OTUD5: variants seen among roughly 807,000 people sequenced by gnomAD.
OTUD5 encodes the protein OTU deubiquitinase 5.
A neutral mutation model predicts 36.3 loss-of-function variants in OTUD5; 2 were observed. The observed-to-expected ratio is 0.06, with a 90% confidence interval of 0.02 to 0.17. The LOEUF (loss-of-function observed/expected upper bound fraction) is 0.17, where lower values mean the gene tolerates loss of function less well. OTUD5 is among the 10% of genes least tolerant of loss of function. The pLI is 1.00. For synonymous variants in OTUD5, 234 were observed against 214.9 expected, an observed-to-expected ratio of 1.09 and a Z score of -0.78; for missense variants, 233 against 512.3, an observed-to-expected ratio of 0.45 and a Z score of 5.26.
intron 5 of OTUD5, 138 bp from the exon 6 acceptor site, chrX:48,926,188 C>A: frequency 2.1e-6 from 1 of 468,983 alleles, no homozygotes; most frequent in Admixed American, 3.5e-5. Context: ...AAGAGCAACA[C>A]TCCACAGACT....
intron 5 of OTUD5, among the ~76,000 whole-genome samples, chrX:48,928,717 C>T (rs2063702885): frequency 9.3e-6 from 1 of 107,840 alleles, no homozygotes. Context: ...GCCTGTGGTC[C>T]CAGCTACTTG....
intron 1 of OTUD5, among the ~76,000 whole-genome samples, chrX:48,954,278 G>A: frequency 9.0e-6 from 1 of 110,952 alleles, no homozygotes; most frequent in South Asian, 3.8e-4. Flanking sequence ...ATGTTCTTAT[G>A]GGGACAAGTA....
intron 2 of OTUD5, chrX:48,936,313 C>T (rs894384938): frequency 3.6e-5 from 4 of 111,905 alleles, no homozygotes; most frequent in Non-Finnish European, 7.5e-5. Flanking sequence ...TCACACATGC[C>T]GTTCCTTCTC....
intron 1 of OTUD5, among the ~76,000 whole-genome samples, chrX:48,951,297 G>A (rs1010710408): frequency 8.9e-6 from 1 of 111,990 alleles, no homozygotes; most frequent in African/African-American, 3.2e-5. Flanking sequence ...AAAGCACCCA[G>A]GAACACTAGC....
intron 1 of OTUD5, among the ~76,000 whole-genome samples, chrX:48,953,523 A>G (rs2147682339): frequency 9.0e-6 from 1 of 111,673 alleles, no homozygotes; most frequent in African/African-American, 3.3e-5. Context: ...CCCAGAGAGC[A>G]TAGGTAGAAC....
Position 48,933,478 on chromosome X carries a change from C to T in OTUD5, c.1059+986G>A, listed in dbSNP as rs782364405. On this transcript the variant is annotated intron_variant, in intron 5 of 8. Coordinates refer to ENST00000376488, the MANE Select transcript of OTUD5 (RefSeq NM_001136157.2). ...TCGCCCAAGCTGGAGTGCAGTGGCACAATCTTGGCTCACTGCAACCTCTGC... is the reference window on the plus strand; with the variant it reads ...TCGCCCAAGCTGGAGTGCAGTGGCATAATCTTGGCTCACTGCAACCTCTGC... 1.9e-5 allele frequency among the ~76,000 whole-genome samples: 2 copies of T among 107,004 alleles called. 1 individual carries two copies. Among genetic ancestry groups the T allele is most frequent in the Admixed American group, 2.0e-4 (2 of 9,925 alleles). The allele number at this position is 107,004 out of a possible 115,157, so 92.9% of individuals were successfully genotyped here.
intron 5 of OTUD5, among the ~76,000 whole-genome samples, chrX:48,930,082 C>T (rs1052521902): frequency 3.8e-4 from 42 of 110,118 alleles, no homozygotes; most frequent in Non-Finnish European, 5.7e-4. Flanking sequence ...CCAGCCTGGG[C>T]GACAGAGCGA....
At chrX:48,943,206 C>CA (rs782788876) in intron 2 of OTUD5, among the ~76,000 whole-genome samples, 1 of 111,729 alleles carries the variant, frequency 9.0e-6, no homozygotes, top group South Asian at 3.7e-4. Context: ...CAGGGAGGAT[C>CA]AGGTCACATT....
chrX:48,941,190 T>C (rs1336654304), intron 2 of OTUD5, among the ~76,000 whole-genome samples: 1 of 110,781 alleles, frequency 9.0e-6, no homozygotes, highest in Non-Finnish European at 1.9e-5. Flanking sequence ...CCCAACACTT[T>C]GGGAGGCCAA....
At chrX:48,939,599 G>A (rs1238628400) in intron 2 of OTUD5, among the ~76,000 whole-genome samples, 1 of 111,790 alleles carries the variant, frequency 8.9e-6, no homozygotes, top group African/African-American at 3.3e-5. Context: ...AGGAAAGACT[G>A]AAGATGTGAG....
chrX:48,954,314 A>C lies in OTUD5; in HGVS notation c.594+2663T>G, dbSNP rs781966812. Among the ~76,000 whole-genome samples, 145 of 110,789 alleles carry C rather than the reference A, an allele frequency of 1.3e-3. 3 individuals are homozygous for C. The highest frequency in any genetic ancestry group is 4.6e-3 in the African/African-American group (140 of 30,464). On this transcript the variant is annotated intron_variant, in intron 1 of 8. Transcript: ENST00000376488. ...TAAGGGAGGGACTGCAAGGGGCATA[A>C]GGAAGTGTTTTTGAGTTACCATGGC... is the stretch of plus-strand genomic sequence containing the variant.
chrX:48,950,932 C>A (rs1375779536), intron 1 of OTUD5, among the ~76,000 whole-genome samples: 1 of 110,699 alleles, frequency 9.0e-6, no homozygotes, highest in Non-Finnish European at 1.9e-5. Flanking sequence ...ACTAACACAC[C>A]CCCCTTGGTA....
chrX:48,957,319 G>T lies in OTUD5; in HGVS notation c.252C>A (p.Ala84=). 8.8e-7 allele frequency: 1 copy of T among 1,133,486 alleles called. No individual in the cohort carries two copies. Among genetic ancestry groups the T allele is most frequent in the Non-Finnish European group, 1.2e-6 (1 of 865,498 alleles). The allele number at this position is 1,133,486 out of a possible 1,213,427, so 93.4% of individuals were successfully genotyped here. A position where few individuals can be genotyped will look rare whatever the true frequency, so the allele number is the denominator to read the frequency against. Residue 84 remains alanine (A), a synonymous_variant, in exon 1 of 9, where the codon GCC becomes GCA. Transcript: ENST00000376488. ...GACCCGCCACTGCACCAGGCGGCAC[G>T]GCCAGCGCCCAGCGATGAAGAGCGC... The part of the protein sequence containing the change: ...PPGALHRWAL[A]VPPGAVAGPR...
chrX:48,934,147 G>C (rs181770079), intron 5 of OTUD5, among the ~76,000 whole-genome samples: 1 of 111,127 alleles, frequency 9.0e-6, no homozygotes, highest in African/African-American at 3.3e-5. Context: ...ATGATCCCAG[G>C]AGAAAGATCC....
chrX:48,946,166 G>C (rs1255494472), intron 1 of OTUD5, among the ~76,000 whole-genome samples: 1 of 112,061 alleles, frequency 8.9e-6, no homozygotes, highest in Non-Finnish European at 1.9e-5. Context: ...AAGCATCTCT[G>C]GCAAAGTTGT....
At chrX:48,952,975 G>A (rs1353856114) in intron 1 of OTUD5, among the ~76,000 whole-genome samples, 4 of 112,326 alleles carry the variant, frequency 3.6e-5, no homozygotes, top group Admixed American at 9.4e-5. Context: ...CTGGGCAAGA[G>A]GAAGAACCGG....
At chrX:48,950,950 T>C (rs1392971017) in intron 1 of OTUD5, among the ~76,000 whole-genome samples, 3 of 110,830 alleles carry the variant, frequency 2.7e-5, no homozygotes, top group African/African-American at 9.9e-5. Context: ...GTAGCACTCC[T>C]TGGTGTCTGT....
chrX:48,928,470 C>G (rs2063699648), intron 5 of OTUD5, among the ~76,000 whole-genome samples: 1 of 111,431 alleles, frequency 9.0e-6, no homozygotes, highest in African/African-American at 3.3e-5. Flanking sequence ...ATGGAGAAAC[C>G]TTAATGCATA....
chrX:48,952,303 AG>A (rs1436080903), intron 1 of OTUD5, among the ~76,000 whole-genome samples: 1 of 112,097 alleles, frequency 8.9e-6, no homozygotes, highest in Non-Finnish European at 1.9e-5. Flanking sequence ...GAGGCTGGAA[AG>A]GGATGAGGAA....
Sources: gnomAD v4.1 joint callset for allele counts (sites outside exome capture counted in the v4.1 genomes callset) on GRCh38, gnomAD v4.1.1 for gene constraint, MANE v1.5 for transcripts, NCBI Gene and HGNC (gene_info 2026-07-23, HGNC 2026-07-21) for gene names.